Variants in DNAH17 observed in about 807,000 individuals in gnomAD.
The protein encoded by DNAH17 is axonemal beta dynein heavy chain 17.
In DNAH17, 376 loss-of-function variants were observed where a neutral mutation model predicts 485.6. That is an observed-to-expected ratio of 0.77 (90% CI 0.71 to 0.84). DNAH17 has a LOEUF of 0.84. Ranked by LOEUF, DNAH17 falls within the 40% of genes least tolerant of loss-of-function variation. The pLI is 0.00. For synonymous variants in DNAH17, 3,031 were observed against 2,405.9 expected (o/e 1.26, Z -7.60); for missense variants, 6,370 against 5,839.3 (o/e 1.09, Z -2.96).
At chr17:78,502,559 A>AT (rs756385657) in intron 33 of DNAH17, 32 bp downstream of exon 33, 10 of 1,586,644 alleles carry the variant, frequency 6.3e-6, no homozygotes, top group Admixed American at 1.8e-5. Context: ...ACAAGTTTTA[A>AT]AAACGTAACT....
rs141410692 is a variant in DNAH17, at chr17:78,431,045, ATTTT to A, written c.12226-1749_12226-1746del. On this transcript the variant is annotated intron_variant, in intron 75 of 80. Coordinates refer to ENST00000389840, the MANE Select transcript of DNAH17 (RefSeq NM_173628.4). ...ACAGTCACACCACCATGCCAGACTA[ATTTT>A]TTTATTTTTTGTAGAGACAGGGTCT... Among the ~76,000 whole-genome samples the A allele has an allele frequency of 4.5e-3, 662 of 148,058 alleles. 2 individuals carry two copies. Among genetic ancestry groups the A allele is most frequent in the South Asian group, 0.017 (80 of 4,642 alleles).
At chr17:78,431,246 CTCTG>C (rs1223742450) in intron 75 of DNAH17, among the ~76,000 whole-genome samples, 1 of 152,246 alleles carries the variant, frequency 6.6e-6, no homozygotes, top group Non-Finnish European at 1.5e-5. Context: ...TTACAACCTT[CTCTG>C]TCTGGTCATC....
chr17:78,492,514 C>T, intron 42 of DNAH17, 119 bp downstream of exon 42: 2 of 1,413,728 alleles, frequency 1.4e-6, no homozygotes, highest in Non-Finnish European at 9.6e-7. Flanking sequence ...AGGCCACGTG[C>T]CTGTGTGCCC....
chr17:78,485,990 G>A lies in DNAH17; in HGVS notation c.7245C>T (p.Ser2415=), dbSNP rs367831391. Residue 2415 remains serine, a synonymous_variant, in exon 46 of 81, where the codon TCC becomes TCT. Transcript: ENST00000389840. ...GTGGGACATCGGGATCCAGCTCAAA[G>A]GAGGGCACTTTATCTGTCCAGGGCA... The part of the protein sequence containing the change: ...KFLPWTDKVP[S]FELDPDVPLQ... 3 of 1,613,380 alleles carry A rather than the reference G, an allele frequency of 1.9e-6. No individual in the cohort carries two copies. The highest frequency in any genetic ancestry group is 2.2e-5 in the South Asian group (2 of 91,046).
intron 34 of DNAH17, 126 bp from the exon 35 acceptor site, chr17:78,501,470 C>A: frequency 8.3e-7 from 1 of 1,201,722 alleles, no homozygotes; most frequent in Non-Finnish European, 1.1e-6. Context: ...CCCTCTTTCC[C>A]CCTCCAGCAC....
chr17:78,437,552 G>A (rs913005798), intron 74 of DNAH17, 89 bp downstream of exon 74: 106 of 964,492 alleles, frequency 1.1e-4, no homozygotes, highest in Non-Finnish European at 1.6e-4. Flanking sequence ...AGAGTTCAGA[G>A]CGGTCCTCAG....
Position 78,458,966 on chromosome 17 carries a change from G to A in DNAH17, c.9861+35C>T, listed in dbSNP as rs775034323. ...CTGGCAGCGCGAGCAAGCGGCTCTG[G>A]TGTTTCGCAGGGACGGGAGCGAGCC... On this transcript the variant is annotated intron_variant, in intron 61 of 80. Transcript: ENST00000389840. 3.7e-6 allele frequency: 6 copies of A among 1,607,406 alleles called. No individual in the cohort carries two copies. The Admixed American group carries it at 1.0e-4, about 27-fold the overall frequency.
chr17:78,495,992 GCTT>G lies in DNAH17; in HGVS notation c.5783_5785del (p.Lys1928_Ala1929delinsThr). On this transcript the variant is annotated inframe_deletion, in exon 38 of 81. Transcript: ENST00000389840. ...TATGATCTCTCCCAGGAAATTGAAT[GCTT>G]TTTTCTTGGCCCGAATTGCATCCTG... 6 of 1,613,934 alleles carry G rather than the reference GCTT, an allele frequency of 3.7e-6. No homozygotes were observed. Among genetic ancestry groups the G allele is most frequent in the Non-Finnish European group, 5.1e-6 (6 of 1,179,840 alleles).
At chr17:78,500,274 T>G in intron 36 of DNAH17, 31 bp downstream of exon 36, 5 of 1,588,094 alleles carry the variant, frequency 3.1e-6, no homozygotes, top group Non-Finnish European at 4.3e-6. Context: ...AAGAAGACTC[T>G]GGGTCCCTCC....
intron 8 of DNAH17, 55 bp downstream of exon 8, chr17:78,569,320 G>T: frequency 1.2e-6 from 2 of 1,603,766 alleles, no homozygotes; most frequent in Non-Finnish European, 8.5e-7. Flanking sequence ...AAATATCGGG[G>T]CTCATATGAA....
At chr17:78,508,596 T>C (rs1248017785) in intron 27 of DNAH17, among the ~76,000 whole-genome samples, 1 of 152,098 alleles carries the variant, frequency 6.6e-6, no homozygotes, top group Non-Finnish European at 1.5e-5. Context: ...AGTGAAAATG[T>C]TGCCTCCTCT....
In DNAH17 at chr17:78,455,766, C is replaced by T. The variant is rs375638256; in HGVS notation, c.10048G>A (p.Val3350Ile). ...AGCAGGACGTCCCCACACAGCGTGA[C>T]CCCCTGGCTCCTGAAGTTCTCCACA... is the stretch of plus-strand genomic sequence containing the variant. ...ESVENFRSQGVTLCGDVLLIS... is the reference protein window; with the variant it reads ...ESVENFRSQGITLCGDVLLIS... The change falls in exon 63 of 81, where the codon GTC (valine) becomes ATC (isoleucine). Residue 3350 changes from valine to isoleucine, a missense_variant. By Grantham distance (29) the Val-to-Ile change is conservative. Transcript: ENST00000389840. 8.7e-6 allele frequency: 14 copies of T among 1,613,226 alleles called. No individual in the cohort carries two copies. The highest frequency in any genetic ancestry group is 2.7e-5 in the African/African-American group (2 of 74,896).
At chr17:78,458,507 G>T in intron 62 of DNAH17, 58 bp downstream of exon 62, 1 of 1,458,712 alleles carries the variant, frequency 6.9e-7, no homozygotes, top group East Asian at 2.3e-5. Context: ...AGTTGTGTGG[G>T]CTTGTCCCTT....
At chr17:78,483,926 T>C (rs1299682131) in intron 48 of DNAH17, among the ~76,000 whole-genome samples, 1 of 151,554 alleles carries the variant, frequency 6.6e-6, no homozygotes, top group African/African-American at 2.4e-5. Context: ...GCGAAACCCC[T>C]TCTCTACTAA....
chr17:78,466,568 C>A (rs2088468594), intron 56 of DNAH17, 87 bp downstream of exon 56: 6 of 1,365,190 alleles, frequency 4.4e-6, no homozygotes, highest in Non-Finnish European at 4.8e-6. Flanking sequence ...CTAATCCCAG[C>A]GCCCTTTTCT....
At chr17:78,481,098 A>C (rs1194291933) in intron 48 of DNAH17, among the ~76,000 whole-genome samples, 62 of 120,352 alleles carry the variant, frequency 5.2e-4, no homozygotes, top group South Asian at 1.1e-3. Flanking sequence ...CCCGCCCCCC[A>C]TCCCCCGGCT....
chr17:78,434,351 T>C, intron 74 of DNAH17, 131 bp from the exon 75 acceptor site: 2 of 804,288 alleles, frequency 2.5e-6, no homozygotes, highest in South Asian at 1.9e-5. Flanking sequence ...GGTACAAAGC[T>C]GTGGGCTGTG....
chr17:78,510,306 T>C, intron 27 of DNAH17, 78 bp downstream of exon 27: 1 of 1,584,048 alleles, frequency 6.3e-7, no homozygotes, highest in Non-Finnish European at 8.6e-7. Context: ...AGGACCCCTC[T>C]GGGCGCTCTC....
chr17:78,525,309 G>T, intron 24 of DNAH17, 148 bp from the exon 25 acceptor site: 1 of 1,239,570 alleles, frequency 8.1e-7, no homozygotes, highest in Non-Finnish European at 1.1e-6. Flanking sequence ...CCCACCTGGA[G>T]GGAGGACAGA....
Sources: gnomAD v4.1 joint callset for allele counts (sites outside exome capture counted in the v4.1 genomes callset) on GRCh38, gnomAD v4.1.1 for gene constraint, MANE v1.5 for transcripts, NCBI Gene and HGNC (gene_info 2026-07-23, HGNC 2026-07-21) for gene names.